Variants in VCAN observed in about 807,000 individuals in gnomAD.
VCAN encodes versican.
A neutral mutation model predicts 245.5 loss-of-function variants in VCAN; 44 were observed. The observed-to-expected ratio is 0.18, with a 90% CI of 0.14 to 0.23. The LOEUF is 0.23. Among genes scored for constraint, VCAN ranks in the 10% least tolerant of loss-of-function variants. The pLI is 1.00. For synonymous variants in VCAN, 1,413 were observed against 1,437.0 expected, an observed-to-expected ratio of 0.98 and a Z score of 0.38; for missense variants, 3,793 against 4,057.9, an observed-to-expected ratio of 0.93 and a Z score of 1.77.
At chr5:83,571,469 T>C (rs911374015) in intron 12 of VCAN, among the ~76,000 whole-genome samples, 1 of 152,120 alleles carries the variant, frequency 6.6e-6, no homozygotes, top group African/African-American at 2.4e-5. Flanking sequence ...GAAAAGGGCT[T>C]CATCTATTAT....
chr5:83,553,123 C>T (rs1334857040), intron 10 of VCAN, among the ~76,000 whole-genome samples: 2 of 152,198 alleles, frequency 1.3e-5, no homozygotes, highest in East Asian at 3.8e-4. Flanking sequence ...TGGCTTTAAT[C>T]AAGGAAGTTG....
At chr5:83,557,845 T>G (rs1415901486) in intron 12 of VCAN, among the ~76,000 whole-genome samples, 2 of 152,140 alleles carry the variant, frequency 1.3e-5, no homozygotes, top group Non-Finnish European at 2.9e-5. Context: ...GTAAGGATTA[T>G]GGAGAATGCA....
Position 83,553,462 on chromosome 5 carries a change from C to T in VCAN, c.9592C>T (p.Arg3198Cys), listed in dbSNP as rs773096484. The T allele has an allele frequency of 4.3e-6, 7 of 1,614,082 alleles. No homozygotes were observed. The highest frequency in any genetic ancestry group is 5.1e-6 in the Non-Finnish European group (6 of 1,179,964). The change falls in exon 11 of 15, where the codon CGT becomes TGT. Residue 3198 changes from arginine to cysteine, a missense_variant. By Grantham distance (180) the Arg-to-Cys change is radical. Transcript: ENST00000265077. ...ATGGGATGCAGCTGAACGGGAATGC[C>T]GTCTGCAGGGTGCCCATCTCACAAG... ...RTWDAAERECRLQGAHLTSIL... is the reference protein window; with the variant it reads ...RTWDAAERECCLQGAHLTSIL...
intron 7 of VCAN, chr5:83,531,389 T>C (rs1746513292): frequency 6.6e-6 from 1 of 152,120 alleles, no homozygotes; most frequent in South Asian, 2.1e-4. Context: ...ATGCTTCACA[T>C]AGTAGGTTTC....
At chr5:83,564,862 G>A (rs561750260) in intron 12 of VCAN, among the ~76,000 whole-genome samples, 11 of 152,090 alleles carry the variant, frequency 7.2e-5, no homozygotes, top group African/African-American at 2.6e-4. Flanking sequence ...TGTCAAGAAT[G>A]GTTTTTCTCA....
At chr5:83,490,548 A>C (rs1370444781) in intron 3 of VCAN, 76 bp downstream of exon 3, 2 of 1,595,304 alleles carry the variant, frequency 1.3e-6, no homozygotes, top group African/African-American at 2.7e-5. Flanking sequence ...TAGCACTCAG[A>C]AGTAACTGTT....
intron 1 of VCAN, among the ~76,000 whole-genome samples, chr5:83,474,266 C>G (rs913001675): frequency 2.0e-5 from 3 of 151,834 alleles, no homozygotes; most frequent in East Asian, 1.9e-4. Context: ...GAAAGAGGAC[C>G]GTGGAGGGGA....
At position 83,520,490 on chromosome 5, in the gene VCAN, A is replaced by G. The variant is rs1746039403; in HGVS notation, c.2184A>G (p.Thr728=). 1 of 1,614,046 alleles carries G rather than the reference A, an allele frequency of 6.2e-7. No individual in the cohort carries two copies. Among genetic ancestry groups the G allele is most frequent in the Non-Finnish European group, 8.5e-7 (1 of 1,179,972 alleles). The part of the protein sequence containing the change: ...EEVFSGMKLS[T]SLSEPIHVTE... ...TCTTCTCTGGGATGAAACTCTCTAC[A>G]TCTCTCTCAGAGCCAATTCATGTTA... The change falls in exon 7 of 15, where the codon ACA becomes ACG. Residue 728 remains threonine, a synonymous_variant. Transcript: ENST00000265077.
At position 83,540,788 on chromosome 5, in the gene VCAN, A is replaced by T; in HGVS notation, c.7785A>T (p.Thr2595=). 1 of 1,614,046 alleles carries T rather than the reference A, an allele frequency of 6.2e-7. No individual in the cohort carries two copies. Among genetic ancestry groups the T allele is most frequent in the South Asian group, 1.1e-5 (1 of 91,080 alleles). The part of the protein sequence containing the change: ...PVYEDILGMQ[T]DIDTEVPSEP... ...ATGAAGACATTCTTGGAATGCAAAC[A>T]GATATAGATACAGAGGTACCATCAG... The change falls in exon 8 of 15, where the codon ACA becomes ACT. Residue 2595 remains threonine (T), a synonymous_variant. Coordinates refer to ENST00000265077, the MANE Select transcript of VCAN (RefSeq NM_004385.5).
At chr5:83,561,983 T>C (rs1448846249) in intron 12 of VCAN, 1 of 152,154 alleles carries the variant, frequency 6.6e-6, no homozygotes, top group African/African-American at 2.4e-5. Context: ...AGAAAAACAA[T>C]GCAAAACACA....
intron 12 of VCAN, among the ~76,000 whole-genome samples, chr5:83,563,963 A>G (rs1392225526): frequency 6.6e-6 from 1 of 152,176 alleles, no homozygotes; most frequent in Non-Finnish European, 1.5e-5. Context: ...GATGTAAATC[A>G]TCGGATAATT....
intron 2 of VCAN, among the ~76,000 whole-genome samples, chr5:83,489,698 A>G (rs1170720003): frequency 6.6e-6 from 1 of 152,170 alleles, no homozygotes; most frequent in Non-Finnish European, 1.5e-5. Context: ...ACCTGTAGAC[A>G]TAATTTTCAT....
intron 6 of VCAN, 122 bp from the exon 7 acceptor site, chr5:83,519,227 G>A: frequency 1.1e-6 from 1 of 931,858 alleles, no homozygotes; most frequent in Non-Finnish European, 1.6e-6. Flanking sequence ...CTCCATCACA[G>A]AACATTTCTG....
chr5:83,482,644 G>A (rs1744651636), intron 1 of VCAN, among the ~76,000 whole-genome samples: 1 of 152,168 alleles, frequency 6.6e-6, no homozygotes, highest in Non-Finnish European at 1.5e-5. Context: ...ATTTCTAGAT[G>A]GTTCCCCAAC....
intron 6 of VCAN, among the ~76,000 whole-genome samples, chr5:83,517,477 T>C (rs1242831202): frequency 6.6e-6 from 1 of 152,184 alleles, no homozygotes; most frequent in Non-Finnish European, 1.5e-5. Context: ...CCATGGGAAC[T>C]TTTTCTGTAT....
intron 12 of VCAN, among the ~76,000 whole-genome samples, chr5:83,563,653 C>G (rs1259269129): frequency 6.6e-6 from 1 of 152,152 alleles, no homozygotes; most frequent in African/African-American, 2.4e-5. Context: ...CGGTGGTTAT[C>G]TGCTTGCCCT....
intron 12 of VCAN, among the ~76,000 whole-genome samples, chr5:83,560,637 G>A (rs1747831724): frequency 6.6e-6 from 1 of 152,010 alleles, no homozygotes; most frequent in Non-Finnish European, 1.5e-5. Flanking sequence ...AGTGTCTATG[G>A]GACAGCCCAA....
chr5:83,484,877 C>T (rs113198057), intron 2 of VCAN, among the ~76,000 whole-genome samples: 2 of 152,166 alleles, frequency 1.3e-5, no homozygotes, highest in African/African-American at 4.8e-5. Flanking sequence ...TAATGAGGAA[C>T]CAGCCAGCCA....
intron 12 of VCAN, among the ~76,000 whole-genome samples, chr5:83,563,064 G>A (rs1202225396): frequency 6.6e-6 from 1 of 152,114 alleles, no homozygotes; most frequent in Non-Finnish European, 1.5e-5. Flanking sequence ...CTTCCCTTCA[G>A]CATATTCATG....
Sources: allele counts gnomAD v4.1 joint callset (sites outside exome capture counted in the v4.1 genomes callset), GRCh38; gene constraint gnomAD v4.1.1; transcripts MANE v1.5; gene names NCBI Gene and HGNC (gene_info 2026-07-23, HGNC 2026-07-21).